The following LRRK2 variants were observed in gnomAD, a reference collection of about 807,000 sequenced individuals.
The protein encoded by LRRK2 is leucine-rich repeat serine/threonine-protein kinase 2.
Under a neutral mutation model 302.6 loss-of-function variants are expected in LRRK2, and 203 were observed. The observed-to-expected ratio is 0.67, with a 90% CI of 0.60 to 0.75. LRRK2 has a LOEUF of 0.75. LRRK2 is among the 30% of genes least tolerant of loss of function. LRRK2 has a pLI of 0.00. For missense variants in LRRK2, 2,830 were observed against 2,951.0 expected (o/e 0.96, Z 0.95); for synonymous variants, 1,066 against 1,031.9 (o/e 1.03, Z -0.63).
intron 28 of LRRK2, 107 bp from the exon 29 acceptor site, chr12:40,308,360 T>C: frequency 1.2e-6 from 1 of 828,894 alleles, no homozygotes; most frequent in Non-Finnish European, 1.9e-6. Context: ...ATATGCACTC[T>C]TCTGGATACT....
At chr12:40,285,754 GA>G (rs143350383) in intron 19 of LRRK2, among the ~76,000 whole-genome samples, 1 of 148,776 alleles carries the variant, frequency 6.7e-6, no homozygotes, top group Non-Finnish European at 1.5e-5. Context: ...AATCATTGAG[GA>G]AAAAAAAACG....
At position 40,322,100 on chromosome 12, in the gene LRRK2, G is replaced by A; in HGVS notation, c.5236G>A (p.Ala1746Thr). Residue 1746 changes from alanine to threonine, a missense_variant, in exon 36 of 51, where the codon GCT (alanine) becomes ACT (threonine). By Grantham distance (58) the Ala-to-Thr change is moderately conservative. Coordinates refer to ENST00000298910, the MANE Select transcript of LRRK2 (RefSeq NM_198578.4). ...QGIYLNWSPE[A>T]YCLVGSEVLD... ...CATTTACTTAAATTGGTCTCCTGAAGCTTATTGTCTGGTAGGATCTGAAGT... is the reference window on the plus strand; with the variant it reads ...CATTTACTTAAATTGGTCTCCTGAAACTTATTGTCTGGTAGGATCTGAAGT... 6.2e-7 allele frequency: 1 copy of A among 1,613,410 alleles called. No homozygotes were observed. The highest frequency in any genetic ancestry group is 8.5e-7 in the Non-Finnish European group (1 of 1,179,512).
At chr12:40,232,196 G>T in intron 2 of LRRK2, 78 bp from the exon 3 acceptor site, 1 of 1,005,602 alleles carries the variant, frequency 9.9e-7, no homozygotes, top group South Asian at 1.3e-5. Context: ...CACTAAGATT[G>T]AAGAGATTCA....
chr12:40,237,630 G>A (rs532144910), intron 4 of LRRK2, among the ~76,000 whole-genome samples: 5 of 152,126 alleles, frequency 3.3e-5, no homozygotes, highest in Admixed American at 2.0e-4. Context: ...GGCCAGGTTT[G>A]GGGTAACTGT....
chr12:40,300,308 G>A (rs899980623), intron 25 of LRRK2, among the ~76,000 whole-genome samples: 7 of 151,980 alleles, frequency 4.6e-5, no homozygotes, highest in African/African-American at 1.5e-4. Context: ...AATAATAGAG[G>A]AAATTATGTT....
Position 40,295,496 on chromosome 12 carries a change from A to T in LRRK2, c.2948A>T (p.Tyr983Phe). 1 of 1,613,954 alleles carries T rather than the reference A, an allele frequency of 6.2e-7. No individual in the cohort carries two copies. The highest frequency in any genetic ancestry group is 8.5e-7 in the Non-Finnish European group (1 of 1,179,996). ...TCTTCTCTGGCTTCTGAGAGAGAAT[A>T]TATTACATCACTAGACCTTTCAGCA... is the stretch of plus-strand genomic sequence containing the variant. ...SISSLASERE[Y>F]ITSLDLSANE... Residue 983 changes from tyrosine to phenylalanine, a missense_variant, in exon 23 of 51, where the codon TAT (tyrosine) becomes TTT (phenylalanine). This residue lies in a region of LRRK2 where 2,121 missense variants were observed against 2,148.0 expected (regional missense o/e 0.99). Transcript: ENST00000298910.
intron 4 of LRRK2, among the ~76,000 whole-genome samples, chr12:40,236,452 C>T (rs1293184136): frequency 1.3e-5 from 2 of 152,098 alleles, no homozygotes; most frequent in Non-Finnish European, 2.9e-5. Flanking sequence ...GACCTGAAAA[C>T]AAAAAATCTT....
chr12:40,350,151 C>A (rs775749682), intron 43 of LRRK2, among the ~76,000 whole-genome samples: 15 of 152,194 alleles, frequency 9.9e-5, no homozygotes, highest in Admixed American at 3.3e-4. Context: ...CTTGTTTATG[C>A]TGAATATGCA....
intron 4 of LRRK2, among the ~76,000 whole-genome samples, 175 bp from the exon 5 acceptor site, chr12:40,237,794 C>A (rs891406890): frequency 1.3e-5 from 2 of 151,188 alleles, no homozygotes; most frequent in Admixed American, 6.6e-5. Flanking sequence ...CTTGATAAGT[C>A]TAACATCTAG....
At chr12:40,354,843 A>T (rs1365767) in intron 45 of LRRK2, among the ~76,000 whole-genome samples, 287 of 24,968 alleles carry the variant, frequency 0.011, 3 homozygotes, top group South Asian at 0.096. Context: ...AAAAAAAAAA[A>T]ATATATATAT....
intron 25 of LRRK2, among the ~76,000 whole-genome samples, chr12:40,302,122 G>A (rs977740323): frequency 1.3e-5 from 2 of 152,182 alleles, no homozygotes; most frequent in Non-Finnish European, 2.9e-5. Context: ...AGATTGCATT[G>A]AGCTGAGATC....
chr12:40,322,235 TA>T (rs66762941), intron 36 of LRRK2, 54 bp downstream of exon 36: 122,418 of 1,337,224 alleles, frequency 0.092, 718 homozygotes, highest in Admixed American at 0.15. Flanking sequence ...AATTTAAACT[TA>T]AAAAAAAAAA....
In LRRK2 at chr12:40,239,933, A is replaced by C. The variant is rs112991590; in HGVS notation, c.572-550A>C. On this transcript the variant is annotated intron_variant, in intron 5 of 50. Coordinates refer to ENST00000298910, the MANE Select transcript of LRRK2 (RefSeq NM_198578.4). The stretch of plus-strand genomic sequence containing the variant: ...ATAACAATGACTCCAAATGGAACTT[A>C]CTGGCTTGATCAAATGACTTTAATT... 1.2e-4 allele frequency among the ~76,000 whole-genome samples: 18 copies of C among 152,306 alleles called. 2 individuals carry two copies. The highest frequency in any genetic ancestry group is 4.3e-4 in the African/African-American group (18 of 41,570).
chr12:40,298,836 ATATT>A (rs1944501615), intron 24 of LRRK2, among the ~76,000 whole-genome samples: 1 of 111,990 alleles, frequency 8.9e-6, no homozygotes, highest in African/African-American at 3.4e-5. Flanking sequence ...TATATTATAT[ATATT>A]TATTATATAT....
intron 20 of LRRK2, among the ~76,000 whole-genome samples, chr12:40,291,242 A>G (rs972727436): frequency 1.3e-5 from 2 of 151,534 alleles, no homozygotes; most frequent in African/African-American, 4.8e-5. Context: ...GAACACTTGG[A>G]CACAGGAAGG....
chr12:40,331,816 G>A (rs1353188585), intron 39 of LRRK2, among the ~76,000 whole-genome samples: 8 of 152,098 alleles, frequency 5.3e-5, no homozygotes, highest in Admixed American at 5.2e-4. Context: ...AAAAGTCATG[G>A]GAGGTACTCA....
chr12:40,240,630 TA>T lies in LRRK2; in HGVS notation c.706+16del. 1 of 1,610,744 alleles carries T rather than the reference TA, an allele frequency of 6.2e-7. No individual in the cohort carries two copies. Among genetic ancestry groups the T allele is most frequent in the African/African-American group, 1.3e-5 (1 of 74,968 alleles). The stretch of plus-strand genomic sequence containing the variant: ...CTAGCGATTCCTTGTAAGTAGCATT[TA>T]AATGTTATTTATTTTTTGTATCTGA... On this transcript the variant is annotated intron_variant, in intron 6 of 50. Coordinates refer to ENST00000298910, the MANE Select transcript of LRRK2 (RefSeq NM_198578.4).
intron 14 of LRRK2, among the ~76,000 whole-genome samples, chr12:40,272,032 T>C (rs572764553): frequency 6.6e-6 from 1 of 152,282 alleles, no homozygotes; most frequent in Admixed American, 6.5e-5. Context: ...TATGATGCTC[T>C]TTGAGCTTGG....
intron 45 of LRRK2, among the ~76,000 whole-genome samples, chr12:40,355,904 G>C (rs1263392664): frequency 2.0e-5 from 3 of 152,008 alleles, no homozygotes; most frequent in African/African-American, 7.3e-5. Context: ...AGACATTCTT[G>C]GGGTATAAAA....
Sources: allele counts gnomAD v4.1 joint callset (sites outside exome capture counted in the v4.1 genomes callset), GRCh38; gene constraint gnomAD v4.1.1; regional missense constraint gnomAD v4.1.1; transcripts MANE v1.5; gene names NCBI Gene and HGNC (gene_info 2026-07-23, HGNC 2026-07-21).